LAMA3: variants seen among roughly 807,000 people sequenced by gnomAD.
The protein encoded by LAMA3 is laminin subunit alpha-3.
A neutral mutation model predicts 402.0 loss-of-function variants in LAMA3; 281 were observed. That is an observed-to-expected ratio of 0.70 (90% CI 0.63 to 0.77). The LOEUF (loss-of-function observed/expected upper bound fraction) is 0.77, where lower values mean the gene tolerates loss of function less well. LAMA3 is among the 30% of genes least tolerant of loss of function. The pLI, the probability that LAMA3 is intolerant of heterozygous loss-of-function variation, is 0.00. For synonymous variants in LAMA3, 1,431 were observed against 1,558.4 expected (o/e 0.92, Z 1.93); for missense variants, 3,840 against 4,215.5 (o/e 0.91, Z 2.47).
At chr18:23,770,338 G>A (rs566019662) in intron 8 of LAMA3, among the ~76,000 whole-genome samples, 6 of 151,840 alleles carry the variant, frequency 4.0e-5, no homozygotes, top group Non-Finnish European at 5.9e-5. Flanking sequence ...CTGACAAATG[G>A]TTGGTATCTG....
At position 23,879,104 on chromosome 18, in the gene LAMA3, C is replaced by G. The variant is rs2064817045; in HGVS notation, c.5112+2697C>G. On this transcript the variant is annotated intron_variant, in intron 39 of 74. Transcript: ENST00000313654. The surrounding 1 kb of genome is among the most constrained non-coding windows in gnomAD (Gnocchi z 4.2). ...ATCTTCCTTCTTTTATTTTCTGCTA[C>G]TTGAGCCCATCTTCCCCTCTGCAGT... is the stretch of plus-strand genomic sequence containing the variant. Among the ~76,000 whole-genome samples the G allele has an allele frequency of 1.3e-5, 2 of 151,876 alleles. No individual in the cohort carries two copies. Among genetic ancestry groups the G allele is most frequent in the African/African-American group, 4.8e-5 (2 of 41,302 alleles).
chr18:23,878,852 G>C (rs1396624900), intron 39 of LAMA3, among the ~76,000 whole-genome samples: 3 of 152,162 alleles, frequency 2.0e-5, no homozygotes, highest in Non-Finnish European at 4.4e-5. Flanking sequence ...CCAGTGTCAA[G>C]GGCAGGAGTA....
At chr18:23,803,292 T>C (rs2062899551) in intron 12 of LAMA3, among the ~76,000 whole-genome samples, 1 of 152,122 alleles carries the variant, frequency 6.6e-6, no homozygotes, top group South Asian at 2.1e-4. Flanking sequence ...ATTGAGGACT[T>C]GGTATTGGTC....
At chr18:23,904,423 TTG>T (rs1416541438) in intron 50 of LAMA3, 128 bp from the exon 51 acceptor site, 43 of 1,112,874 alleles carry the variant, frequency 3.9e-5, no homozygotes, top group Middle Eastern at 6.0e-4. Context: ...TTATTTTATT[TTG>T]TTTTTTTCCA....
At chr18:23,936,244 TA>T (rs1169218657) in intron 67 of LAMA3, among the ~76,000 whole-genome samples, 2 of 151,444 alleles carry the variant, frequency 1.3e-5, no homozygotes, top group African/African-American at 4.8e-5. Context: ...TATATATATA[TA>T]TTTTTTATTA....
At chr18:23,724,390 G>A (rs1445502049) in intron 2 of LAMA3, among the ~76,000 whole-genome samples, 1 of 152,186 alleles carries the variant, frequency 6.6e-6, no homozygotes, top group Non-Finnish European at 1.5e-5. Context: ...TAGAATCTGA[G>A]TTATCAATGA....
At position 23,839,705 on chromosome 18, in the gene LAMA3, A is replaced by C; in HGVS notation, c.3192-80A>C. The C allele has an allele frequency of 1.3e-6, 2 of 1,491,988 alleles. No individual in the cohort carries two copies. The highest frequency in any genetic ancestry group is 1.1e-5 in the South Asian group (1 of 88,226). The allele number at this position is 1,491,988 out of a possible 1,614,324, so 92.4% of individuals were successfully genotyped here. A position where few individuals can be genotyped will look rare whatever the true frequency, so the allele number is the denominator to read the frequency against. ...GATGCCCATGCAGTCCTATGCTCCA[A>C]GTCTGTCTCTTCACTGATGGTCAGT... On this transcript the variant is annotated intron_variant, in intron 26 of 74. Transcript: ENST00000313654. This position sits in a 1 kb window ranked among gnomAD's most constrained non-coding sequence, Gnocchi z 4.5.
chr18:23,749,508 A>C lies in LAMA3; in HGVS notation c.646A>C (p.Thr216Pro). 6.2e-7 allele frequency: 1 copy of C among 1,612,200 alleles called. No homozygotes were observed. Among genetic ancestry groups the C allele is most frequent in the Non-Finnish European group, 8.5e-7 (1 of 1,178,196 alleles). Residue 216 changes from threonine to proline, a missense_variant, in exon 4 of 75, where the codon ACT (threonine) becomes CCT (proline). Transcript: ENST00000313654. ...CCGGGATGATGATGTACTTTGTGTT[A>C]CTGAATATTCCCGTATTGTACCTTT... ...VTRDDDVLCV[T>P]EYSRIVPLEN...
intron 72 of LAMA3, 50 bp downstream of exon 72, chr18:23,950,209 A>G (rs370934844): frequency 9.9e-6 from 16 of 1,611,034 alleles, no homozygotes; most frequent in Admixed American, 5.0e-5. Context: ...ACCAGCTTCA[A>G]TGTCTGGAGG....
At chr18:23,843,397 G>C (rs2063747576) in intron 29 of LAMA3, among the ~76,000 whole-genome samples, 1 of 152,114 alleles carries the variant, frequency 6.6e-6, no homozygotes, top group East Asian at 1.9e-4. Flanking sequence ...GACAACCAGT[G>C]CCTGGAGTCA....
At chr18:23,810,552 G>A (rs370157599) in intron 13 of LAMA3, 49 bp downstream of exon 13, 15 of 1,609,624 alleles carry the variant, frequency 9.3e-6, no homozygotes, top group African/African-American at 8.0e-5. Flanking sequence ...TCTGAAGTGT[G>A]TGCAGCCAGC....
chr18:23,760,605 C>T (rs1215820125), intron 7 of LAMA3, among the ~76,000 whole-genome samples: 1 of 151,988 alleles, frequency 6.6e-6, no homozygotes, highest in African/African-American at 2.4e-5. Flanking sequence ...ATGAAAATCC[C>T]AAATGAGTTT....
intron 41 of LAMA3, 75 bp downstream of exon 41, chr18:23,884,928 G>A: frequency 2.6e-6 from 3 of 1,146,728 alleles, no homozygotes; most frequent in East Asian, 2.4e-5. Flanking sequence ...CCAGGTGCTG[G>A]CACAGAGCTA....
At chr18:23,905,747 CTTTA>C (rs2081226315) in intron 52 of LAMA3, 123 bp downstream of exon 52, 4 of 532,074 alleles carry the variant, frequency 7.5e-6, no homozygotes, top group Non-Finnish European at 1.4e-5. Flanking sequence ...AGATGATACC[CTTTA>C]TTTATTTTAT....
chr18:23,724,184 T>C (rs2061259302), intron 2 of LAMA3, among the ~76,000 whole-genome samples: 1 of 152,228 alleles, frequency 6.6e-6, no homozygotes, highest in African/African-American at 2.4e-5. Flanking sequence ...TCCAATCCCA[T>C]CCAGGTTGCT....
intron 2 of LAMA3, among the ~76,000 whole-genome samples, chr18:23,725,281 T>C (rs2061279497): frequency 6.6e-6 from 1 of 152,146 alleles, no homozygotes; most frequent in South Asian, 2.1e-4. Context: ...AGCTAATCTT[T>C]TGTATTTTTA....
intron 10 of LAMA3, 65 bp downstream of exon 10, chr18:23,775,988 C>A: frequency 6.4e-7 from 1 of 1,552,330 alleles, no homozygotes; most frequent in Non-Finnish European, 8.9e-7. Flanking sequence ...TGTGCACTAA[C>A]CTCTGAGGCA....
At position 23,760,966 on chromosome 18, in the gene LAMA3, C is replaced by T. The variant is rs531937073; in HGVS notation, c.1064-2439C>T. Among the ~76,000 whole-genome samples the T allele has an allele frequency of 1.3e-5, 2 of 152,138 alleles. 1 individual carries two copies. Among genetic ancestry groups the T allele is most frequent in the South Asian group, 4.2e-4 (2 of 4,812 alleles). On this transcript the variant is annotated intron_variant, in intron 7 of 74. Transcript: ENST00000313654. Reference sequence around the variant, plus strand: ...TCCCAGAGGGCCCATCTCCTAATAACTGGTGATTAGGTTTCACCTATGAAT... The same window carrying T: ...TCCCAGAGGGCCCATCTCCTAATAATTGGTGATTAGGTTTCACCTATGAAT...
At chr18:23,697,922 G>A (rs2060713564) in intron 1 of LAMA3, among the ~76,000 whole-genome samples, 1 of 151,974 alleles carries the variant, frequency 6.6e-6, no homozygotes, top group Non-Finnish European at 1.5e-5. Context: ...TCCTTAGCTT[G>A]TAGACGGCCA....
Sources: gnomAD v4.1 joint callset for allele counts (sites outside exome capture counted in the v4.1 genomes callset) on GRCh38, gnomAD v4.1.1 for gene constraint, Gnocchi (gnomAD v3.1) non-coding constraint, MANE v1.5 for transcripts, NCBI Gene and HGNC (gene_info 2026-07-23, HGNC 2026-07-21) for gene names.